TMEM236: variants seen among roughly 807,000 people sequenced by gnomAD.
TMEM236 encodes the protein family with sequence similarity 23, member A.
A neutral mutation model predicts 14.7 loss-of-function variants in TMEM236; 11 were observed. The observed-to-expected ratio is 0.75, with a 90% CI of 0.47 to 1.24. TMEM236 has a LOEUF of 1.24. Ranked by LOEUF, TMEM236 falls within the 50% of genes most tolerant of loss-of-function variation. TMEM236 has a pLI of 0.00. For missense variants in TMEM236, 464 were observed against 427.3 expected (o/e 1.09, Z -0.76); for synonymous variants, 182 against 168.6 (o/e 1.08, Z -0.62).
chr10:17,774,029 T>TTTTGTTTG (rs1228988280), intron 2 of TMEM236, among the ~76,000 whole-genome samples: 56,138 of 133,458 alleles, frequency 0.42, 10,836 homozygotes, highest in Non-Finnish European at 0.5. Flanking sequence ...ATATATATAT[T>TTTTGTTTG]TTTGTTTGTT....
At chr10:17,769,901 A>G (rs1837539832) in intron 1 of TMEM236, among the ~76,000 whole-genome samples, 1 of 152,158 alleles carries the variant, frequency 6.6e-6, no homozygotes, top group Non-Finnish European at 1.5e-5. Flanking sequence ...ATGTTGCATG[A>G]TGCTGTGGTC....
Position 17,797,230 on chromosome 10 carries a change from A to C in TMEM236, c.*726A>C, listed in dbSNP as rs557716624. 3 of 152,154 alleles carry C rather than the reference A, an allele frequency of 2.0e-5. No homozygotes were observed. The South Asian group carries it at 6.2e-4, about 32-fold the overall frequency. 9.4% of individuals were successfully genotyped at this position (152,154 alleles called of 1,614,324 possible). On this transcript the variant is annotated 3_prime_UTR_variant, in exon 4 of 4. Transcript: ENST00000377495. The stretch of plus-strand genomic sequence containing the variant: ...CTTTTATATAGATAGCATTATATGA[A>C]TTGATTGATTAAATTTAGTTTTAAA...
At chr10:17,762,578 T>TATAC (rs1837384238) in intron 1 of TMEM236, among the ~76,000 whole-genome samples, 1 of 42,060 alleles carries the variant, frequency 2.4e-5, no homozygotes, top group South Asian at 7.9e-4. Context: ...GAATTTCATA[T>TATAC]ATATATATAT....
At chr10:17,774,379 C>T (rs992307396) in intron 2 of TMEM236, among the ~76,000 whole-genome samples, 10 of 152,122 alleles carry the variant, frequency 6.6e-5, no homozygotes, top group African/African-American at 2.4e-4. Flanking sequence ...ATTGTTTCTT[C>T]ATTCTTTTTT....
intron 1 of TMEM236, among the ~76,000 whole-genome samples, chr10:17,756,174 A>C (rs1837281559): frequency 6.6e-6 from 1 of 152,196 alleles, no homozygotes; most frequent in African/African-American, 2.4e-5. Context: ...GGTTGGCTTG[A>C]GCCCAGGAGT....
chr10:17,797,111 T>C lies in TMEM236; in HGVS notation c.*607T>C, dbSNP rs1471123424. On this transcript the variant is annotated 3_prime_UTR_variant, in exon 4 of 4. Transcript: ENST00000377495. The stretch of plus-strand genomic sequence containing the variant: ...CCAAAAAGGTTGGGGACCACTGATG[T>C]ATACCACGCTTTTTCTAAGAATACT... 1 of 155,052 alleles carries C rather than the reference T, an allele frequency of 6.4e-6. No homozygotes were observed. Among genetic ancestry groups the C allele is most frequent in the Non-Finnish European group, 1.4e-5 (1 of 69,726 alleles). 9.6% of individuals were successfully genotyped at this position (155,052 alleles called of 1,614,324 possible).
At chr10:17,763,743 A>C (rs1837414106) in intron 1 of TMEM236, among the ~76,000 whole-genome samples, 9 of 152,202 alleles carry the variant, frequency 5.9e-5, no homozygotes. Flanking sequence ...AGAGGTGGGA[A>C]AAGACCTACT....
chr10:17,776,176 T>C lies in TMEM236; in HGVS notation c.472+6T>C. ...TCTTAGAGGGAGTCAAAAGAGTAAG[T>C]GTTCTTTTAAATGTGAATATTTTTT... On this transcript the variant is annotated splice_donor_region_variant and intron_variant, in intron 3 of 3. Coordinates refer to ENST00000377495, the MANE Select transcript of TMEM236 (RefSeq NM_001098844.3). 6.2e-7 allele frequency: 1 copy of C among 1,610,034 alleles called. No individual in the cohort carries two copies. Among genetic ancestry groups the C allele is most frequent in the Non-Finnish European group, 8.5e-7 (1 of 1,176,796 alleles).
intron 3 of TMEM236, among the ~76,000 whole-genome samples, chr10:17,779,240 A>G (rs1160915844): frequency 1.3e-5 from 2 of 152,096 alleles, no homozygotes; most frequent in Non-Finnish European, 2.9e-5. Flanking sequence ...AGAGATAGAT[A>G]GGTTGCCAGC....
intron 3 of TMEM236, among the ~76,000 whole-genome samples, chr10:17,794,700 G>A (rs956101927): frequency 2.0e-5 from 3 of 152,096 alleles, no homozygotes; most frequent in East Asian, 3.9e-4. Flanking sequence ...AAAAACCTTG[G>A]ATTCAGCATG....
intron 1 of TMEM236, among the ~76,000 whole-genome samples, chr10:17,758,314 A>G (rs1837310964): frequency 6.7e-6 from 1 of 149,708 alleles, no homozygotes; most frequent in Non-Finnish European, 1.5e-5. Context: ...GATGAGGCTT[A>G]TCTGAGAGCT....
rs1675545647 is a variant in TMEM236, at chr10:17,758,203, T to C, written c.257+5651T>C. On this transcript the variant is annotated intron_variant, in intron 1 of 3. Coordinates refer to ENST00000377495, the MANE Select transcript of TMEM236 (RefSeq NM_001098844.3). ...AAGATGATGCAAAAATAATTGCTAC[T>C]AGACAAAGTAAGGATTGAGCATATG... 5.9e-5 allele frequency among the ~76,000 whole-genome samples: 9 copies of C among 152,222 alleles called. No individual in the cohort carries two copies. The South Asian group carries it at 1.9e-3, about 32-fold the overall frequency.
rs1838019062 is a variant in TMEM236 at position 17,796,572 on chromosome 10, T to C, written c.*68T>C. ...TGCACATTTGTAATCCTTCTTTTTT[T>C]CTTGGGGCGTAGGTGTTTGCACTAT... is the stretch of plus-strand genomic sequence containing the variant. On this transcript the variant is annotated 3_prime_UTR_variant, in exon 4 of 4. Transcript: ENST00000377495. 6 of 1,381,060 alleles carry C rather than the reference T, an allele frequency of 4.3e-6. No individual in the cohort carries two copies. Among genetic ancestry groups the C allele is most frequent in the Non-Finnish European group, 6.2e-6 (6 of 971,870 alleles). 85.6% of individuals were successfully genotyped at this position (1,381,060 alleles called of 1,614,324 possible).
At chr10:17,770,816 T>A (rs1166875116) in intron 1 of TMEM236, among the ~76,000 whole-genome samples, 5 of 152,048 alleles carry the variant, frequency 3.3e-5, no homozygotes, top group Admixed American at 3.3e-4. Context: ...CATTTTTATG[T>A]GTGTATGGTT....
chr10:17,784,156 T>C (rs1837798169), intron 3 of TMEM236, among the ~76,000 whole-genome samples: 1 of 152,186 alleles, frequency 6.6e-6, no homozygotes, highest in Non-Finnish European at 1.5e-5. Context: ...TTTTTTTCAC[T>C]ACAAGTAAAA....
intron 1 of TMEM236, among the ~76,000 whole-genome samples, chr10:17,769,018 CTCTT>C (rs1182666769): frequency 2.0e-5 from 3 of 152,166 alleles, no homozygotes; most frequent in Admixed American, 6.6e-5. Flanking sequence ...ATCCACAAAA[CTCTT>C]TCATCTTGCA....
In TMEM236 at chr10:17,796,055, G is replaced by A; in HGVS notation, c.607G>A (p.Ala203Thr). 6.2e-7 allele frequency: 1 copy of A among 1,613,936 alleles called. No homozygotes were observed. Among genetic ancestry groups the A allele is most frequent in the Non-Finnish European group, 8.5e-7 (1 of 1,179,860 alleles). ...CACCCAGGTGTCGCAGCCATCAGGA[G>A]CCATGACACGGAGCCAGGAGTCTGT... ...NSTQVSQPSG[A>T]MTRSQESVFM... Residue 203 changes from alanine to threonine, a missense_variant, in exon 4 of 4, where the codon GCC (alanine) becomes ACC (threonine). Coordinates refer to ENST00000377495, the MANE Select transcript of TMEM236 (RefSeq NM_001098844.3).
At chr10:17,756,339 C>T (rs1307608521) in intron 1 of TMEM236, among the ~76,000 whole-genome samples, 2 of 152,124 alleles carry the variant, frequency 1.3e-5, no homozygotes, top group African/African-American at 4.8e-5. Flanking sequence ...CTCTGTTGCC[C>T]AGGCTGGAGT....
rs1838075672 is a variant in TMEM236, at chr10:17,800,274, CATTTA to C, written c.*3772_*3776del. 6.7e-6 allele frequency: 1 copy of C among 150,316 alleles called. No homozygotes were observed. Among genetic ancestry groups the C allele is most frequent in the Non-Finnish European group, 1.5e-5 (1 of 67,798 alleles). 9.3% of individuals were successfully genotyped at this position (150,316 alleles called of 1,614,324 possible). A position where few individuals can be genotyped will look rare whatever the true frequency, so the allele number is the denominator to read the frequency against. On this transcript the variant is annotated 3_prime_UTR_variant, in exon 4 of 4. Transcript: ENST00000377495. ...AAGTACAGTTAGTTAAAGGAATGTG[CATTTA>C]AAAATTAATCTATGATTAGGCTATT... is the stretch of plus-strand genomic sequence containing the variant.
Sources: allele counts gnomAD v4.1 joint callset (sites outside exome capture counted in the v4.1 genomes callset), GRCh38; gene constraint gnomAD v4.1.1; transcripts MANE v1.5; gene names NCBI Gene and HGNC (gene_info 2026-07-23, HGNC 2026-07-21).